Variants in CTBP2 observed in about 807,000 individuals in gnomAD.
The protein encoded by CTBP2 is C-terminal-binding protein 2.
A neutral mutation model predicts 80.3 loss-of-function variants in CTBP2; 30 were observed. That is an observed-to-expected ratio of 0.37 (90% CI 0.28 to 0.51). The LOEUF is 0.51. Ranked by LOEUF, CTBP2 falls within the 20% of genes least tolerant of loss-of-function variation. The pLI, the probability that CTBP2 is intolerant of heterozygous loss-of-function variation, is 0.93. For synonymous variants in CTBP2, 594 were observed against 587.4 expected (o/e 1.01, Z -0.16); for missense variants, 1,212 against 1,375.3 (o/e 0.88, Z 1.88).
rs142101185 is a variant in CTBP2, at chr10:125,026,767, A to C, written c.993T>G (p.Ser331=). 2.0e-3 allele frequency: 3,211 copies of C among 1,613,060 alleles called. 5 individuals carry two copies. The highest frequency in any genetic ancestry group is 2.5e-3 in the Non-Finnish European group (2,902 of 1,179,954). The change falls in exon 1 of 9, where the codon TCT becomes TCG. Residue 331 remains serine (S), a synonymous_variant. Transcript: ENST00000309035. ...GGGCCTGGCCCAGGTTGGGTGCGACAGACTTGATATCCGCGTCCTCCAGGG... is the reference window on the plus strand; with the variant it reads ...GGGCCTGGCCCAGGTTGGGTGCGACCGACTTGATATCCGCGTCCTCCAGGG...
At chr10:125,009,393 A>G (rs11245462) in intron 1 of CTBP2, among the ~76,000 whole-genome samples, 44,787 of 151,892 alleles carry the variant, frequency 0.29, 7,060 homozygotes, top group African/African-American at 0.4. Flanking sequence ...AAAACCACAC[A>G]AACTCCAGAG....
intron 3 of CTBP2, among the ~76,000 whole-genome samples, chr10:125,037,003 G>C (rs1958972919): frequency 6.6e-6 from 1 of 152,194 alleles, no homozygotes; most frequent in African/African-American, 2.4e-5. Flanking sequence ...CTGACATATA[G>C]ATGGTGACCC....
At chr10:125,036,571 G>GA (rs961857752) in intron 3 of CTBP2, among the ~76,000 whole-genome samples, 43 of 151,712 alleles carry the variant, frequency 2.8e-4, no homozygotes, top group African/African-American at 8.7e-4. Flanking sequence ...TGGGGAGGGA[G>GA]AAAAAAACAG....
chr10:125,133,499 G>C (rs537498622), intron 1 of CTBP2: 2 of 152,428 alleles, frequency 1.3e-5, no homozygotes, highest in South Asian at 4.1e-4. Flanking sequence ...AGGGGATAGG[G>C]AAACAGGCTC....
chr10:125,075,673 A>C (rs1333359961), intron 2 of CTBP2, among the ~76,000 whole-genome samples: 1 of 152,268 alleles, frequency 6.6e-6, no homozygotes, highest in African/African-American at 2.4e-5. Context: ...ACTTAAGAGA[A>C]TACCCAAATA....
intron 1 of CTBP2, among the ~76,000 whole-genome samples, chr10:125,020,882 C>G (rs527697214): frequency 6.6e-6 from 1 of 152,320 alleles, no homozygotes; most frequent in South Asian, 2.1e-4. Context: ...GGTGGGCTTA[C>G]AGAAATTCCC....
chr10:125,135,853 T>G (rs933739337), intron 1 of CTBP2, among the ~76,000 whole-genome samples: 4 of 152,082 alleles, frequency 2.6e-5, no homozygotes, highest in African/African-American at 9.7e-5. Context: ...AGGTGTGCAT[T>G]TAAGAAGTCG....
At chr10:125,106,850 A>C (rs907572659) in intron 2 of CTBP2, among the ~76,000 whole-genome samples, 1 of 152,238 alleles carries the variant, frequency 6.6e-6, no homozygotes, top group Non-Finnish European at 1.5e-5. Flanking sequence ...GCGGAAAACA[A>C]CAGTAACAGC....
intron 1 of CTBP2, 89 bp downstream of exon 1, chr10:125,160,230 G>C (rs1463534030): frequency 1.3e-5 from 2 of 152,420 alleles, no homozygotes; most frequent in Admixed American, 1.3e-4. Flanking sequence ...GAGTGGCGCA[G>C]TGAGGCGCGG....
upstream of CTBP2, among the ~76,000 whole-genome samples, chr10:125,161,332 C>T (rs1861877778): frequency 2.0e-5 from 3 of 151,920 alleles, no homozygotes; most frequent in South Asian, 6.2e-4. Context: ...CGCGGTGGCT[C>T]GGGGTCCGCT....
At chr10:124,992,375 C>T (rs1292012445) in intron 8 of CTBP2, among the ~76,000 whole-genome samples, 1 of 152,028 alleles carries the variant, frequency 6.6e-6, no homozygotes, top group Non-Finnish European at 1.5e-5. Flanking sequence ...GCTGAGACTG[C>T]AGGTGTGCGC....
intron 2 of CTBP2, among the ~76,000 whole-genome samples, chr10:125,074,677 A>T (rs1846024204): frequency 6.6e-6 from 1 of 152,224 alleles, no homozygotes; most frequent in African/African-American, 2.4e-5. Flanking sequence ...AGTAAGTGTG[A>T]CTGGGTGTAC....
intron 1 of CTBP2, among the ~76,000 whole-genome samples, chr10:125,123,303 G>C (rs537138386): frequency 1.3e-5 from 2 of 152,154 alleles, no homozygotes; most frequent in Non-Finnish European, 2.9e-5. Context: ...CCAAATGAGT[G>C]CATGTTACAC....
chr10:125,035,504 T>C (rs1454484837), intron 3 of CTBP2, among the ~76,000 whole-genome samples: 1 of 152,190 alleles, frequency 6.6e-6, no homozygotes, highest in African/African-American at 2.4e-5. Flanking sequence ...AACACATACT[T>C]TTTTCAAGTT....
chr10:125,160,993 A>T (rs1861835999), upstream of CTBP2: 1 of 145,326 alleles, frequency 6.9e-6, no homozygotes, highest in Non-Finnish European at 1.5e-5. Flanking sequence ...AGCTCCCGGT[A>T]CCCGCTGGCT....
Position 124,992,750 on chromosome 10 carries a change from A to G in CTBP2, c.2722T>C (p.Trp908Arg), listed in dbSNP as rs1358278654. ...ATTGCTTGCTGGTCTATTACTGACC[A>G]AGGCGCTGATGTGACAAAGAATTCC... The change falls in exon 8 of 9, where the codon TGG (tryptophan) becomes CGG (arginine). Residue 908 changes from tryptophan to arginine, a missense_variant. Coordinates refer to ENST00000309035, the MANE Select transcript of CTBP2 (RefSeq NM_022802.3). 1 of 1,610,026 alleles carries G rather than the reference A, an allele frequency of 6.2e-7. No individual in the cohort carries two copies. Among genetic ancestry groups the G allele is most frequent in the Non-Finnish European group, 8.5e-7 (1 of 1,177,990 alleles).
chr10:125,101,718 C>T (rs1371267717), intron 2 of CTBP2, among the ~76,000 whole-genome samples: 2 of 152,220 alleles, frequency 1.3e-5, no homozygotes, highest in African/African-American at 4.8e-5. Flanking sequence ...GCAACATAGA[C>T]CACAGGTACC....
At chr10:125,121,234 C>G (rs987065991) in intron 1 of CTBP2, among the ~76,000 whole-genome samples, 1 of 152,236 alleles carries the variant, frequency 6.6e-6, no homozygotes, top group Non-Finnish European at 1.5e-5. Context: ...GGGGCCACAG[C>G]GGGAAGCACA....
chr10:124,998,824 G>A (rs1212064048), intron 3 of CTBP2: 4 of 156,680 alleles, frequency 2.6e-5, no homozygotes, highest in East Asian at 1.9e-4. Context: ...TCCCTGCCCC[G>A]TGGAGCAGCC....
Sources: gnomAD v4.1 joint callset for allele counts (sites outside exome capture counted in the v4.1 genomes callset) on GRCh38, gnomAD v4.1.1 for gene constraint, MANE v1.5 for transcripts, NCBI Gene and HGNC (gene_info 2026-07-23, HGNC 2026-07-21) for gene names.